The following OPCML variants were observed in gnomAD, a reference collection of about 807,000 sequenced individuals.
OPCML encodes the protein opioid-binding protein/cell adhesion molecule.
In OPCML, 13 loss-of-function variants were observed where a neutral mutation model predicts 37.8. The ratio of observed to expected loss-of-function variants is 0.34; its 90% CI spans 0.22 to 0.55. The LOEUF (loss-of-function observed/expected upper bound fraction) is 0.55. OPCML is among the 20% of genes least tolerant of loss of function. The probability of loss-of-function intolerance (pLI) is 0.91; values close to 1 mark genes in which losing one functional copy is unlikely to be tolerated. For missense variants in OPCML, 341 were observed against 435.6 expected, an observed-to-expected ratio of 0.78 and a Z score of 1.93; for synonymous variants, 176 against 168.8, an observed-to-expected ratio of 1.04 and a Z score of -0.33.
chr11:133,082,664 G>A (rs1204273416), intron 1 of OPCML, among the ~76,000 whole-genome samples: 3 of 64,902 alleles, frequency 4.6e-5, no homozygotes, highest in South Asian at 7.0e-4. Flanking sequence ...CACAGCCCTC[G>A]GCACGGCACG....
intron 1 of OPCML, among the ~76,000 whole-genome samples, chr11:133,456,588 G>A (rs1434989247): frequency 6.6e-6 from 1 of 152,010 alleles, no homozygotes; most frequent in Non-Finnish European, 1.5e-5. Context: ...ATAGGTATCA[G>A]ACTGTCCAGG....
intron 1 of OPCML, among the ~76,000 whole-genome samples, chr11:133,266,149 T>C (rs761487805): frequency 8.5e-5 from 13 of 152,152 alleles, no homozygotes; most frequent in African/African-American, 2.9e-4. Context: ...GTTAAAGAAA[T>C]ACACAAGGCA....
At chr11:133,427,663 A>G (rs1185948351) in intron 1 of OPCML, among the ~76,000 whole-genome samples, 2 of 152,190 alleles carry the variant, frequency 1.3e-5, no homozygotes, top group African/African-American at 4.8e-5. Flanking sequence ...AATTCCAGTT[A>G]TAATTTGAAA....
At chr11:133,428,091 G>A (rs1446096382) in intron 1 of OPCML, among the ~76,000 whole-genome samples, 1 of 152,150 alleles carries the variant, frequency 6.6e-6, no homozygotes, top group Non-Finnish European at 1.5e-5. Context: ...AAATTCAATA[G>A]TATGTCTTTA....
At chr11:132,944,035 A>T (rs1367858938) in intron 1 of OPCML, among the ~76,000 whole-genome samples, 1 of 151,580 alleles carries the variant, frequency 6.6e-6, no homozygotes. Context: ...GCTCATCCCG[A>T]CGGGCGGGCG....
intron 1 of OPCML, among the ~76,000 whole-genome samples, chr11:133,488,311 A>G (rs1010630536): frequency 6.6e-6 from 1 of 152,190 alleles, no homozygotes; most frequent in African/African-American, 2.4e-5. Flanking sequence ...ATTGGAAAAG[A>G]AGAAGTCACA....
intron 1 of OPCML, chr11:133,008,943 C>T: frequency 1.0e-6 from 1 of 985,416 alleles, no homozygotes; most frequent in Non-Finnish European, 1.2e-6. Context: ...AGCAAGAAGA[C>T]TGAGCAATTT....
At chr11:132,665,926 A>C (rs1942196936) in intron 2 of OPCML, among the ~76,000 whole-genome samples, 1 of 152,220 alleles carries the variant, frequency 6.6e-6, no homozygotes, top group Admixed American at 6.5e-5. Flanking sequence ...ATACAATAAA[A>C]AGTATACATC....
chr11:132,879,641 G>T (rs556603993), intron 2 of OPCML, among the ~76,000 whole-genome samples: 2 of 152,134 alleles, frequency 1.3e-5, no homozygotes, highest in Admixed American at 6.5e-5. Context: ...GTGAAGTTCC[G>T]CTGCACAGCT....
intron 1 of OPCML, among the ~76,000 whole-genome samples, chr11:133,329,859 G>T (rs946271849): frequency 6.6e-6 from 1 of 152,146 alleles, no homozygotes; most frequent in Non-Finnish European, 1.5e-5. Context: ...AAACTAAAGA[G>T]CTTCTGCACA....
In OPCML at chr11:132,415,575, C is replaced by A. The variant is rs1176011947; in HGVS notation, c.*4618G>T. On this transcript the variant is annotated 3_prime_UTR_variant, in exon 8 of 8. Coordinates refer to ENST00000524381, the MANE Select transcript of OPCML (RefSeq NM_001012393.5). ...AGGGTTCGCAATCTTTCTTTCTCCA[C>A]CCAGTGGTGTGGAGCAACTCTGTGC... 6.6e-6 allele frequency: 1 copy of A among 152,156 alleles called. No individual in the cohort carries two copies. The highest frequency in any genetic ancestry group is 1.5e-5 in the Non-Finnish European group (1 of 68,028). The allele number at this position is 152,156 out of a possible 1,614,324, so 9.4% of individuals were successfully genotyped here.
At chr11:133,125,202 A>T (rs1949482087) in intron 1 of OPCML, among the ~76,000 whole-genome samples, 1 of 152,054 alleles carries the variant, frequency 6.6e-6, no homozygotes, top group Non-Finnish European at 1.5e-5. Flanking sequence ...GAAGTTGAGG[A>T]GGTCACTTTA....
intron 2 of OPCML, among the ~76,000 whole-genome samples, chr11:132,774,156 T>C (rs184811554): frequency 5.4e-4 from 82 of 152,300 alleles, no homozygotes; most frequent in African/African-American, 1.9e-3. Flanking sequence ...TAAGCTTCAT[T>C]GGGGTCCATT....
At chr11:132,868,382 G>A (rs1942657448) in intron 2 of OPCML, among the ~76,000 whole-genome samples, 1 of 135,782 alleles carries the variant, frequency 7.4e-6, no homozygotes, top group South Asian at 2.4e-4. Flanking sequence ...TCAGCAAAAA[G>A]AAAATGTTGT....
intron 3 of OPCML, among the ~76,000 whole-genome samples, chr11:132,538,390 C>T (rs560433156): frequency 6.6e-6 from 1 of 152,132 alleles, no homozygotes. Flanking sequence ...TTGGTGGTTG[C>T]CAGGAGCTAG....
At chr11:132,856,425 C>G (rs371639727) in intron 2 of OPCML, among the ~76,000 whole-genome samples, 20 of 152,242 alleles carry the variant, frequency 1.3e-4, no homozygotes, top group African/African-American at 4.6e-4. Flanking sequence ...AGAGGCCCCC[C>G]GCTCCAGGAA....
At chr11:133,516,009 C>T (rs1325398190) in intron 1 of OPCML, among the ~76,000 whole-genome samples, 1 of 152,030 alleles carries the variant, frequency 6.6e-6, no homozygotes, top group Admixed American at 6.6e-5. Context: ...AACACAACGC[C>T]AGCCTCATCC....
intron 2 of OPCML, among the ~76,000 whole-genome samples, chr11:132,735,089 T>A (rs1205284105): frequency 6.6e-6 from 1 of 152,150 alleles, no homozygotes; most frequent in Admixed American, 6.5e-5. Flanking sequence ...AGAGATGAAC[T>A]AGAGAAAACA....
intron 2 of OPCML, among the ~76,000 whole-genome samples, chr11:132,934,894 C>T (rs1006814076): frequency 6.6e-6 from 1 of 152,094 alleles, no homozygotes; most frequent in Non-Finnish European, 1.5e-5. Flanking sequence ...AATCCTAGCA[C>T]TTTGGGAGGC....
Sources: gnomAD v4.1 joint callset for allele counts (sites outside exome capture counted in the v4.1 genomes callset) on GRCh38, gnomAD v4.1.1 for gene constraint, MANE v1.5 for transcripts, NCBI Gene and HGNC (gene_info 2026-07-23, HGNC 2026-07-21) for gene names.